The following TNS3 variants were observed in gnomAD, a reference collection of about 807,000 sequenced individuals.
TNS3 encodes the protein tensin-3.
Under a neutral mutation model 140.9 loss-of-function variants are expected in TNS3, and 45 were observed. The ratio of observed to expected loss-of-function variants is 0.32; its 90% CI spans 0.25 to 0.41. TNS3 has a LOEUF of 0.41. Ranked by LOEUF, TNS3 falls within the 10% of genes least tolerant of loss-of-function variation. The probability of loss-of-function intolerance (pLI) is 1.00; values close to 1 mark genes in which losing one functional copy is unlikely to be tolerated. For synonymous variants in TNS3, 815 were observed against 788.4 expected (o/e 1.03, Z -0.56); for missense variants, 1,716 against 1,906.7 (o/e 0.90, Z 1.86).
intron 17 of TNS3, among the ~76,000 whole-genome samples, chr7:47,358,082 T>C (rs1319774589): frequency 1.3e-5 from 2 of 152,090 alleles, no homozygotes; most frequent in African/African-American, 4.8e-5. Context: ...TCACATGCAT[T>C]GGTTTTCTTT....
chr7:47,299,604 A>T (rs574160601), intron 23 of TNS3, among the ~76,000 whole-genome samples: 1 of 152,322 alleles, frequency 6.6e-6, no homozygotes, highest in Admixed American at 6.5e-5. Context: ...TGTGGATGGC[A>T]GTGGAGGGAA....
At chr7:47,501,583 G>C (rs982203796) in intron 3 of TNS3, among the ~76,000 whole-genome samples, 2 of 152,176 alleles carry the variant, frequency 1.3e-5, no homozygotes, top group Non-Finnish European at 2.9e-5. Context: ...GATGAGACAG[G>C]CTCAAAGAAT....
At position 47,368,612 on chromosome 7, in the gene TNS3, G is replaced by C; in HGVS notation, c.2034C>G (p.Ala678=). The C allele has an allele frequency of 6.3e-7, 1 of 1,591,654 alleles. No individual in the cohort carries two copies. Among genetic ancestry groups the C allele is most frequent in the Non-Finnish European group, 8.6e-7 (1 of 1,169,012 alleles). ...AGGGGCCTGTGCTCAGCTCTGGGCC[G>C]GCTCCATTCACAACCTGGTCTCCTG... ...RFPGDQVVNG[A]GPELSTGPSP... is the part of the protein sequence containing the mutation. Residue 678 remains alanine (A), a synonymous_variant, in exon 17 of 31, where the codon GCC becomes GCG. Coordinates refer to ENST00000311160, the MANE Select transcript of TNS3 (RefSeq NM_022748.12).
chr7:47,297,985 A>C (rs1786150551), intron 23 of TNS3, among the ~76,000 whole-genome samples: 1 of 151,822 alleles, frequency 6.6e-6, no homozygotes, highest in Non-Finnish European at 1.5e-5. Context: ...ATGGGGTTTC[A>C]CCATGTTAGC....
intron 1 of TNS3, among the ~76,000 whole-genome samples, chr7:47,565,710 G>A (rs1364944853): frequency 6.6e-6 from 1 of 152,110 alleles, no homozygotes; most frequent in Non-Finnish European, 1.5e-5. Flanking sequence ...GTAGGTGGGG[G>A]ACAAAGTTAA....
Position 47,396,839 on chromosome 7 carries a change from G to T in TNS3, c.985C>A (p.Arg329Ser), listed in dbSNP as rs776516453. The T allele has an allele frequency of 6.2e-7, 1 of 1,614,046 alleles. No homozygotes were observed. The highest frequency in any genetic ancestry group is 1.7e-5 in the Admixed American group (1 of 60,000). ...CTGAGGTTCTCGTACGAGTCCCAGC[G>T]TATCAGTGGGTCTGTTGTGTTGTAG... ...VDYNTTDPLIRWDSYENLSAD... is the reference protein window; with the variant it reads ...VDYNTTDPLISWDSYENLSAD... The change falls in exon 16 of 31, where the codon CGC becomes AGC. Residue 329 changes from arginine to serine, a missense_variant. By Grantham distance (110) the Arg-to-Ser change is moderately radical. Coordinates refer to ENST00000311160, the MANE Select transcript of TNS3 (RefSeq NM_022748.12).
chr7:47,480,183 C>T lies in TNS3; in HGVS notation c.-76+920G>A, dbSNP rs192963282. ...CAATCCAGAAAGGCTGCCAAATCTC[C>T]GGCAGAACACCCCAGATTCTGTGTA... On this transcript the variant is annotated intron_variant, in intron 4 of 30. Coordinates refer to ENST00000311160, the MANE Select transcript of TNS3 (RefSeq NM_022748.12). Among the ~76,000 whole-genome samples, 248 of 152,348 alleles carry T rather than the reference C, an allele frequency of 1.6e-3. 1 individual carries two copies. Among genetic ancestry groups the T allele is most frequent in the African/African-American group, 5.5e-3 (229 of 41,586 alleles).
intron 3 of TNS3, among the ~76,000 whole-genome samples, chr7:47,486,124 CTG>C (rs1797606425): frequency 1.3e-5 from 2 of 151,670 alleles, no homozygotes; most frequent in South Asian, 4.2e-4. Flanking sequence ...GTATATTTTA[CTG>C]TGGATATCTG....
intron 23 of TNS3, among the ~76,000 whole-genome samples, 169 bp downstream of exon 23, chr7:47,302,017 T>C (rs901238987): frequency 1.3e-5 from 2 of 152,216 alleles, no homozygotes; most frequent in African/African-American, 4.8e-5. Context: ...ACTTAAAGGT[T>C]GTAGCATGTC....
chr7:47,334,737 T>C (rs1788533931), intron 20 of TNS3, among the ~76,000 whole-genome samples: 1 of 151,358 alleles, frequency 6.6e-6, no homozygotes, highest in Admixed American at 6.6e-5. Flanking sequence ...GCCTCCCGAG[T>C]AGCTGGAACT....
Position 47,368,727 on chromosome 7 carries a change from C to G in TNS3, c.1919G>C (p.Arg640Thr). The stretch of plus-strand genomic sequence containing the variant: ...GCCTACACCCCTCTGGACAGCCACC[C>G]TACTGCTGGTCCCTCGGGTGGGGGT... ...PLTPTRGTSS[R>T]VAVQRGVGSG... The change falls in exon 17 of 31, where the codon AGG becomes ACG. Residue 640 changes from arginine to threonine, a missense_variant. Physicochemically the swap from Arg to Thr is moderately conservative, Grantham distance 71. Coordinates refer to ENST00000311160, the MANE Select transcript of TNS3 (RefSeq NM_022748.12). 6.3e-7 allele frequency: 1 copy of G among 1,578,482 alleles called. No individual in the cohort carries two copies. Among genetic ancestry groups the G allele is most frequent in the Non-Finnish European group, 8.6e-7 (1 of 1,161,632 alleles).
intron 1 of TNS3, among the ~76,000 whole-genome samples, chr7:47,551,756 CAT>C (rs1292619675): frequency 6.6e-6 from 1 of 152,202 alleles, no homozygotes; most frequent in Non-Finnish European, 1.5e-5. Flanking sequence ...ACACTGTGCA[CAT>C]GTGTGTTAGA....
rs58254078 is a variant in TNS3 at position 47,444,680 on chromosome 7, C to T, written c.-75-2625G>A. ...GAGAAGGGCAGGTCAGACAGACCCA[C>T]GGGATCTTCTCAATCCAATAGTCTC... On this transcript the variant is annotated intron_variant, in intron 4 of 30. Coordinates refer to ENST00000311160, the MANE Select transcript of TNS3 (RefSeq NM_022748.12). Among the ~76,000 whole-genome samples the T allele has an allele frequency of 7.0e-3, 990 of 141,116 alleles. 10 individuals are homozygous for T. Among genetic ancestry groups the T allele is most frequent in the African/African-American group, 0.023 (934 of 40,586 alleles). The allele number at this position is 141,116 out of a possible 152,430, so 92.6% of individuals were successfully genotyped here. A position where few individuals can be genotyped will look rare whatever the true frequency, so the allele number is the denominator to read the frequency against.
intron 2 of TNS3, among the ~76,000 whole-genome samples, chr7:47,513,403 G>A (rs989415036): frequency 4.6e-5 from 7 of 152,106 alleles, no homozygotes; most frequent in Admixed American, 6.5e-5. Context: ...TCCCGGTTTC[G>A]ATCGATTCTC....
intron 1 of TNS3, among the ~76,000 whole-genome samples, chr7:47,548,049 C>T (rs1276691764): frequency 6.6e-6 from 1 of 152,208 alleles, no homozygotes; most frequent in Non-Finnish European, 1.5e-5. Context: ...TACAGGCATG[C>T]ACCATCACAC....
At chr7:47,451,152 C>T (rs1392133872) in intron 4 of TNS3, among the ~76,000 whole-genome samples, 4 of 151,906 alleles carry the variant, frequency 2.6e-5, no homozygotes, top group Admixed American at 6.6e-5. Flanking sequence ...CTTTTATGGA[C>T]GTCATGTTAG....
chr7:47,355,029 A>G (rs934778774), intron 17 of TNS3, among the ~76,000 whole-genome samples: 1 of 151,900 alleles, frequency 6.6e-6, no homozygotes, highest in African/African-American at 2.4e-5. Flanking sequence ...ACATGCCCCA[A>G]AGTCCCCTAC....
At position 47,321,862 on chromosome 7, in the gene TNS3, C is replaced by T. The variant is rs76014550; in HGVS notation, c.2651-16859G>A. Among the ~76,000 whole-genome samples the T allele has an allele frequency of 3.3e-3, 500 of 152,252 alleles. 2 individuals are homozygous for T. Among genetic ancestry groups the T allele is most frequent in the African/African-American group, 7.8e-3 (323 of 41,550 alleles). On this transcript the variant is annotated intron_variant, in intron 20 of 30. Coordinates refer to ENST00000311160, the MANE Select transcript of TNS3 (RefSeq NM_022748.12). ...AGAATGCACAACACAATATAAAAGA[C>T]CTCCTTGTCTACAGCACTCAAGCCT...
chr7:47,450,255 T>A (rs1353263252), intron 4 of TNS3, among the ~76,000 whole-genome samples: 1 of 152,240 alleles, frequency 6.6e-6, no homozygotes. Flanking sequence ...TTTAACAGGC[T>A]TATCTAAAAG....
Sources: allele counts gnomAD v4.1 joint callset (sites outside exome capture counted in the v4.1 genomes callset), GRCh38; gene constraint gnomAD v4.1.1; transcripts MANE v1.5; gene names NCBI Gene and HGNC (gene_info 2026-07-23, HGNC 2026-07-21).